The following PRKAG2 variants were observed in gnomAD, a reference collection of about 807,000 sequenced individuals.
PRKAG2 encodes protein kinase AMP-activated non-catalytic subunit gamma 2.
A neutral mutation model predicts 69.6 loss-of-function variants in PRKAG2; 26 were observed. The ratio of observed to expected loss-of-function variants is 0.37; its 90% CI spans 0.27 to 0.52. The LOEUF (loss-of-function observed/expected upper bound fraction) is 0.52, where lower values mean the gene tolerates loss of function less well. PRKAG2 is among the 20% of genes least tolerant of loss of function. The pLI is 0.90. For synonymous variants in PRKAG2, 293 were observed against 285.0 expected (o/e 1.03, Z -0.28); for missense variants, 557 against 740.0 (o/e 0.75, Z 2.87).
intron 1 of PRKAG2, among the ~76,000 whole-genome samples, chr7:151,870,493 G>T (rs2080194984): frequency 6.6e-6 from 1 of 152,188 alleles, no homozygotes; most frequent in Non-Finnish European, 1.5e-5. Flanking sequence ...TGCTCAGGAT[G>T]GTACAAACTG....
At chr7:151,830,664 G>A (rs1442427231) in intron 1 of PRKAG2, among the ~76,000 whole-genome samples, 2 of 151,850 alleles carry the variant, frequency 1.3e-5, no homozygotes, top group Non-Finnish European at 1.5e-5. Context: ...CCCGGGGGCG[G>A]GGGGAAGAGG....
intron 3 of PRKAG2, among the ~76,000 whole-genome samples, chr7:151,767,935 T>C (rs1488496810): frequency 6.6e-6 from 1 of 152,198 alleles, no homozygotes; most frequent in Non-Finnish European, 1.5e-5. Flanking sequence ...TCTCAGCCAT[T>C]TTCCTCTAGA....
intron 11 of PRKAG2, chr7:151,566,745 T>C (rs772265685): frequency 7.2e-5 from 23 of 321,004 alleles, no homozygotes; most frequent in Admixed American, 4.6e-4. Flanking sequence ...TTAGGTCATC[T>C]AGTCCATCTC....
intron 1 of PRKAG2, among the ~76,000 whole-genome samples, chr7:151,794,150 TG>T (rs1480401281): frequency 6.6e-6 from 1 of 152,194 alleles, no homozygotes; most frequent in Non-Finnish European, 1.5e-5. Flanking sequence ...GACCCTGGCC[TG>T]GCAGCCTGAG....
chr7:151,641,477 A>G (rs1489369952), intron 4 of PRKAG2, among the ~76,000 whole-genome samples: 1 of 150,900 alleles, frequency 6.6e-6, no homozygotes, highest in African/African-American at 2.4e-5. Flanking sequence ...GAAACTCTTG[A>G]CCTCAAGTGA....
intron 4 of PRKAG2, among the ~76,000 whole-genome samples, chr7:151,667,093 G>A (rs1831164239): frequency 6.6e-6 from 1 of 152,220 alleles, no homozygotes; most frequent in Non-Finnish European, 1.5e-5. Context: ...TGGTGTCAGA[G>A]TATAAAGGCC....
At chr7:151,797,165 G>T (rs1326446581) in intron 1 of PRKAG2, among the ~76,000 whole-genome samples, 4 of 152,082 alleles carry the variant, frequency 2.6e-5, no homozygotes, top group Admixed American at 2.6e-4. Context: ...CCTGACCTCT[G>T]CTGCAGAGGC....
intron 1 of PRKAG2, among the ~76,000 whole-genome samples, chr7:151,821,148 G>A (rs552714669): frequency 4.9e-4 from 31 of 63,608 alleles, no homozygotes; most frequent in South Asian, 4.8e-3. Context: ...AGAAGGAAGG[G>A]GCTACTTTGG....
intron 3 of PRKAG2, among the ~76,000 whole-genome samples, chr7:151,691,297 T>C (rs1445288007): frequency 4.6e-5 from 7 of 152,174 alleles, no homozygotes; most frequent in Non-Finnish European, 7.3e-5. Flanking sequence ...TTTTTATTGT[T>C]GTATTATTAT....
intron 4 of PRKAG2, among the ~76,000 whole-genome samples, chr7:151,634,960 T>C (rs1422584942): frequency 6.7e-6 from 1 of 149,704 alleles, no homozygotes; most frequent in African/African-American, 2.5e-5. Flanking sequence ...TTTTTTTCTT[T>C]TTTTTTTGAG....
intron 6 of PRKAG2, among the ~76,000 whole-genome samples, chr7:151,589,340 C>T (rs1476945287): frequency 2.0e-5 from 3 of 152,184 alleles, no homozygotes; most frequent in South Asian, 2.1e-4. Flanking sequence ...CTCTCCTCCA[C>T]GACACTGTGG....
At chr7:151,625,870 A>G (rs980370714) in intron 5 of PRKAG2, among the ~76,000 whole-genome samples, 1 of 152,192 alleles carries the variant, frequency 6.6e-6, no homozygotes, top group Non-Finnish European at 1.5e-5. Flanking sequence ...AAGGCACAGG[A>G]TGAGATGTAG....
At chr7:151,579,283 A>T (rs1369903655) in intron 6 of PRKAG2, among the ~76,000 whole-genome samples, 2 of 152,154 alleles carry the variant, frequency 1.3e-5, no homozygotes, top group Non-Finnish European at 2.9e-5. Context: ...TGGCCTCCCA[A>T]AGTGTTAGGA....
At chr7:151,706,419 T>G (rs10263707) in intron 3 of PRKAG2, among the ~76,000 whole-genome samples, 46,017 of 152,064 alleles carry the variant, frequency 0.3, 7,284 homozygotes, top group African/African-American at 0.34. Flanking sequence ...GACATCCAAC[T>G]CATCTCCCAG....
At chr7:151,594,476 AAGT>A (rs1458982374) in intron 6 of PRKAG2, among the ~76,000 whole-genome samples, 1 of 152,232 alleles carries the variant, frequency 6.6e-6, no homozygotes. Flanking sequence ...CATTGATATA[AAGT>A]AAGTTGCAAT....
intron 3 of PRKAG2, among the ~76,000 whole-genome samples, chr7:151,731,535 T>TGTGC (rs10689682): frequency 2.6e-5 from 4 of 151,582 alleles, no homozygotes; most frequent in Non-Finnish European, 2.9e-5. Context: ...TGTGTGTGTG[T>TGTGC]GCGCACAGGT....
chr7:151,866,990 C>T (rs2080095730), intron 1 of PRKAG2, among the ~76,000 whole-genome samples: 1 of 152,170 alleles, frequency 6.6e-6, no homozygotes, highest in African/African-American at 2.4e-5. Context: ...CCACACCAGC[C>T]TCTGTCACGT....
chr7:151,694,843 A>G (rs2536082), intron 3 of PRKAG2, among the ~76,000 whole-genome samples: 140,775 of 152,260 alleles, frequency 0.92, 65,263 homozygotes, highest in East Asian at 1. Context: ...TGCCCCCAAC[A>G]CCGAGGGCCA....
At chr7:151,841,154 A>T (rs1203294599) in intron 1 of PRKAG2, among the ~76,000 whole-genome samples, 1 of 151,976 alleles carries the variant, frequency 6.6e-6, no homozygotes, top group African/African-American at 2.4e-5. Flanking sequence ...CACCAAGCTA[A>T]TTTTTTTATT....
Sources: gnomAD v4.1 joint callset for allele counts (sites outside exome capture counted in the v4.1 genomes callset) on GRCh38, gnomAD v4.1.1 for gene constraint, MANE v1.5 for transcripts, NCBI Gene and HGNC (gene_info 2026-07-23, HGNC 2026-07-21) for gene names.